Variants in PSMD1 observed in about 807,000 individuals in gnomAD.
PSMD1 encodes the protein proteasome 26S subunit, non-ATPase 1.
Under a neutral mutation model 119.0 loss-of-function variants are expected in PSMD1, and 18 were observed. The observed-to-expected ratio is 0.15, with a 90% CI of 0.10 to 0.22. PSMD1 has a LOEUF of 0.22. Ranked by LOEUF, PSMD1 falls within the 10% of genes least tolerant of loss-of-function variation. The pLI, the probability that PSMD1 is intolerant of heterozygous loss-of-function variation, is 1.00. For missense variants in PSMD1, 702 were observed against 1,158.5 expected, an observed-to-expected ratio of 0.61 and a Z score of 5.72; for synonymous variants, 374 against 396.6, an observed-to-expected ratio of 0.94 and a Z score of 0.68.
intron 17 of PSMD1, among the ~76,000 whole-genome samples, chr2:231,144,516 T>A (rs1391849553): frequency 1.4e-5 from 2 of 142,440 alleles, no homozygotes; most frequent in East Asian, 4.3e-4. Flanking sequence ...TGACCTCAGA[T>A]GATCCACCCT....
At chr2:231,060,911 A>C (rs1693739979) in intron 1 of PSMD1, among the ~76,000 whole-genome samples, 1 of 152,246 alleles carries the variant, frequency 6.6e-6, no homozygotes, top group African/African-American at 2.4e-5. Flanking sequence ...AGAGCAAAAG[A>C]ATCACAGTAC....
At chr2:231,118,302 A>T (rs1459180265) in intron 16 of PSMD1, among the ~76,000 whole-genome samples, 1 of 152,178 alleles carries the variant, frequency 6.6e-6, no homozygotes, top group East Asian at 1.9e-4. Context: ...ACTCCTACAT[A>T]GAAACAAGCC....
intron 16 of PSMD1, among the ~76,000 whole-genome samples, chr2:231,096,786 T>C (rs1469773939): frequency 6.6e-6 from 1 of 152,032 alleles, no homozygotes. Context: ...TTGGCTAGGG[T>C]TAGACCGCAC....
chr2:231,139,145 G>A (rs568110907), intron 17 of PSMD1: 43 of 395,900 alleles, frequency 1.1e-4, no homozygotes, highest in South Asian at 8.2e-4. Context: ...TTGTTTATTT[G>A]TTTTGAAACG....
At chr2:231,080,528 A>C (rs1694285157) in intron 12 of PSMD1, among the ~76,000 whole-genome samples, 1 of 152,060 alleles carries the variant, frequency 6.6e-6, no homozygotes, top group Non-Finnish European at 1.5e-5. Flanking sequence ...TATTTGTAAA[A>C]CATGTTGTTT....
chr2:231,086,320 C>T (rs1009851314), intron 15 of PSMD1, among the ~76,000 whole-genome samples: 1 of 152,188 alleles, frequency 6.6e-6, no homozygotes, highest in Non-Finnish European at 1.5e-5. Context: ...GCTAGGATTA[C>T]AGGTGTGAGC....
rs1326288562 is a variant in PSMD1 at position 231,089,423 on chromosome 2, C to T, written c.1883+2242C>T. On this transcript the variant is annotated intron_variant, in intron 16 of 24. Coordinates refer to ENST00000308696, the MANE Select transcript of PSMD1 (RefSeq NM_002807.4). ...GAGGACAGGCTGTTCTTGTCAGAAGCTAATGCAGTGGGTGACTTTAAGTTG... is the reference window on the plus strand; with the variant it reads ...GAGGACAGGCTGTTCTTGTCAGAAGTTAATGCAGTGGGTGACTTTAAGTTG... 3.3e-5 allele frequency among the ~76,000 whole-genome samples: 5 copies of T among 152,242 alleles called. No homozygotes were observed. In the East Asian group the frequency reaches 5.8e-4, roughly 18 times the overall value.
At chr2:231,057,916 C>T (rs1693648832) in intron 1 of PSMD1, among the ~76,000 whole-genome samples, 1 of 152,196 alleles carries the variant, frequency 6.6e-6, no homozygotes, top group African/African-American at 2.4e-5. Context: ...CATTTTCTTA[C>T]TCTGTGTTTG....
At chr2:231,171,549 A>ATTTTTT (rs568576394) in intron 24 of PSMD1, among the ~76,000 whole-genome samples, 8 of 117,260 alleles carry the variant, frequency 6.8e-5, no homozygotes, top group African/African-American at 9.9e-5. Flanking sequence ...TTTTCAGACA[A>ATTTTTT]TTTTTTTTTT....
intron 8 of PSMD1, among the ~76,000 whole-genome samples, chr2:231,075,833 T>C (rs1320551379): frequency 6.6e-6 from 1 of 152,198 alleles, no homozygotes; most frequent in Non-Finnish European, 1.5e-5. Flanking sequence ...TCCGTTTGCC[T>C]TGGCCTCCCA....
chr2:231,153,835 C>A (rs986970554), intron 19 of PSMD1, among the ~76,000 whole-genome samples, 169 bp downstream of exon 19: 1 of 152,106 alleles, frequency 6.6e-6, no homozygotes, highest in African/African-American at 2.4e-5. Flanking sequence ...GAGTACAGGC[C>A]GGGCGCAATG....
At position 231,168,688 on chromosome 2, in the gene PSMD1, T is replaced by C. The variant is rs111660946; in HGVS notation, c.2716-1878T>C. Among the ~76,000 whole-genome samples the C allele has an allele frequency of 8.7e-3, 1,324 of 152,318 alleles. 25 individuals carry two copies. The highest frequency in any genetic ancestry group is 0.03 in the African/African-American group (1,265 of 41,562). ...GCTGCTACTGGGCCCACAGTTTCTT[T>C]AGGTTGATGCAGATATTTTTGAATT... On this transcript the variant is annotated intron_variant, in intron 23 of 24. Transcript: ENST00000308696.
chr2:231,151,222 T>G (rs1436828432), intron 18 of PSMD1, among the ~76,000 whole-genome samples: 1 of 152,102 alleles, frequency 6.6e-6, no homozygotes, highest in African/African-American at 2.4e-5. Context: ...GAAATTGAGT[T>G]AGAAAATCTT....
chr2:231,135,551 C>T (rs1393420059), intron 16 of PSMD1, among the ~76,000 whole-genome samples: 1 of 152,088 alleles, frequency 6.6e-6, no homozygotes, highest in Non-Finnish European at 1.5e-5. Context: ...TTATTTTTCT[C>T]AGTACATAAT....
chr2:231,108,915 A>G, intron 16 of PSMD1: 1 of 1,614,184 alleles, frequency 6.2e-7, no homozygotes. Flanking sequence ...CAGGAATCAC[A>G]TAAAACTAAA....
chr2:231,115,325 C>A (rs1448430188), intron 16 of PSMD1, among the ~76,000 whole-genome samples: 1 of 152,004 alleles, frequency 6.6e-6, no homozygotes, highest in Non-Finnish European at 1.5e-5. Context: ...GACAAAGTAT[C>A]CAGAAGGTAG....
chr2:231,095,054 G>A (rs76990467), intron 16 of PSMD1, among the ~76,000 whole-genome samples: 2,624 of 152,252 alleles, frequency 0.017, 89 homozygotes, highest in African/African-American at 0.061. Flanking sequence ...TAACCCTGTC[G>A]GGAGTGTTTA....
At chr2:231,069,289 T>C (rs905076204) in intron 5 of PSMD1, among the ~76,000 whole-genome samples, 1 of 152,212 alleles carries the variant, frequency 6.6e-6, no homozygotes, top group Non-Finnish European at 1.5e-5. Context: ...TACCTACTCT[T>C]ACTACTTGTG....
chr2:231,106,834 T>C (rs1289267025), intron 16 of PSMD1, among the ~76,000 whole-genome samples: 4 of 152,184 alleles, frequency 2.6e-5, no homozygotes, highest in African/African-American at 7.2e-5. Flanking sequence ...CTCTGGTGTA[T>C]AGATTTCCTG....
Sources: allele counts gnomAD v4.1 joint callset (sites outside exome capture counted in the v4.1 genomes callset), GRCh38; gene constraint gnomAD v4.1.1; transcripts MANE v1.5; gene names NCBI Gene and HGNC (gene_info 2026-07-23, HGNC 2026-07-21).